The following RCAN2 variants were observed in gnomAD, a reference collection of about 807,000 sequenced individuals.
RCAN2 encodes calcipressin-2.
In RCAN2, 9 loss-of-function variants were observed where a neutral mutation model predicts 23.6. The ratio of observed to expected loss-of-function variants is 0.38; its 90% CI spans 0.23 to 0.67. The LOEUF (loss-of-function observed/expected upper bound fraction) is 0.67. Ranked by LOEUF, RCAN2 falls within the 30% of genes least tolerant of loss-of-function variation. The probability of loss-of-function intolerance (pLI) is 0.51; values close to 1 mark genes in which losing one functional copy is unlikely to be tolerated. For missense variants in RCAN2, 273 were observed against 302.3 expected (o/e 0.90, Z 0.72); for synonymous variants, 109 against 115.7 (o/e 0.94, Z 0.37).
intron 2 of RCAN2, among the ~76,000 whole-genome samples, chr6:46,402,471 T>C (rs1359696791): frequency 6.6e-6 from 1 of 152,140 alleles, no homozygotes; most frequent in African/African-American, 2.4e-5. Flanking sequence ...CCAGAACCCT[T>C]TTCCCCAAAG....
intron 2 of RCAN2, among the ~76,000 whole-genome samples, chr6:46,315,246 T>C (rs1010666982): frequency 9.2e-5 from 14 of 152,200 alleles, no homozygotes; most frequent in Non-Finnish European, 1.5e-5. Flanking sequence ...TATGCATCTC[T>C]AGGGATGCAG....
chr6:46,393,555 T>A (rs1165486864), intron 2 of RCAN2, among the ~76,000 whole-genome samples: 1 of 152,206 alleles, frequency 6.6e-6, no homozygotes, highest in African/African-American at 2.4e-5. Context: ...TACTCTATTT[T>A]CCAACAGCAG....
rs1765461477 is a variant in RCAN2 at position 46,221,103 on chromosome 6, TTG to T, written c.*2036_*2037del. 1 of 152,498 alleles carries T rather than the reference TTG, an allele frequency of 6.6e-6. No individual in the cohort carries two copies. The highest frequency in any genetic ancestry group is 2.1e-4 in the South Asian group (1 of 4,832). 9.4% of individuals were successfully genotyped at this position (152,498 alleles called of 1,614,324 possible). On this transcript the variant is annotated 3_prime_UTR_variant, in exon 5 of 5. Coordinates refer to ENST00000371374, the MANE Select transcript of RCAN2 (RefSeq NM_001251974.2). ...CTAACTCCAGAGGCCATACACTTCA[TTG>T]TGTTTCTTTTATGACTACACAGAAT...
chr6:46,462,177 G>A (rs1280227348), intron 1 of RCAN2, among the ~76,000 whole-genome samples: 1 of 152,158 alleles, frequency 6.6e-6, no homozygotes, highest in African/African-American at 2.4e-5. Context: ...ACAAGCAGCA[G>A]TGCAGCTTGA....
intron 2 of RCAN2, among the ~76,000 whole-genome samples, chr6:46,361,880 A>T (rs1765025649): frequency 6.6e-6 from 1 of 152,238 alleles, no homozygotes; most frequent in South Asian, 2.1e-4. Flanking sequence ...TTAGCTGGAT[A>T]AAATCCTGAG....
intron 2 of RCAN2, among the ~76,000 whole-genome samples, chr6:46,432,715 C>G (rs1767251050): frequency 6.6e-6 from 1 of 151,996 alleles, no homozygotes. Context: ...ATTAGCAACT[C>G]AAAAATCCCT....
chr6:46,305,420 T>C (rs532189303), intron 2 of RCAN2, among the ~76,000 whole-genome samples: 2 of 152,146 alleles, frequency 1.3e-5, no homozygotes, highest in South Asian at 2.1e-4. Context: ...CCTTCTTTGC[T>C]TCCCTTCACT....
At chr6:46,362,137 A>G (rs1765033481) in intron 2 of RCAN2, among the ~76,000 whole-genome samples, 1 of 152,204 alleles carries the variant, frequency 6.6e-6, no homozygotes, top group African/African-American at 2.4e-5. Context: ...CATGATTGGG[A>G]AGACCCAACT....
intron 1 of RCAN2, among the ~76,000 whole-genome samples, chr6:46,485,613 T>G (rs1219882071): frequency 6.6e-6 from 1 of 152,224 alleles, no homozygotes; most frequent in Non-Finnish European, 1.5e-5. Context: ...CTAGCCTTCA[T>G]GAGCAGACTC....
chr6:46,402,831 G>A (rs901177614), intron 2 of RCAN2, among the ~76,000 whole-genome samples: 1 of 152,172 alleles, frequency 6.6e-6, no homozygotes, highest in African/African-American at 2.4e-5. Flanking sequence ...AGGCTCCTGT[G>A]TATACACGTT....
chr6:46,380,793 T>C (rs769592890), intron 2 of RCAN2, among the ~76,000 whole-genome samples: 4 of 152,214 alleles, frequency 2.6e-5, no homozygotes, highest in Non-Finnish European at 5.9e-5. Context: ...AGGATAATTA[T>C]GTAGATGTAA....
chr6:46,375,227 G>C (rs1324606193), intron 2 of RCAN2, among the ~76,000 whole-genome samples: 1 of 152,192 alleles, frequency 6.6e-6, no homozygotes, highest in Non-Finnish European at 1.5e-5. Flanking sequence ...TTACAGGTGT[G>C]AACCACCATG....
At chr6:46,368,376 C>T (rs535132365) in intron 2 of RCAN2, among the ~76,000 whole-genome samples, 14 of 152,298 alleles carry the variant, frequency 9.2e-5, no homozygotes, top group African/African-American at 2.9e-4. Flanking sequence ...AAGCTCCATA[C>T]GATAGCTCTG....
At chr6:46,235,463 C>A (rs1766057897) in intron 4 of RCAN2, among the ~76,000 whole-genome samples, 1 of 152,192 alleles carries the variant, frequency 6.6e-6, no homozygotes, top group Non-Finnish European at 1.5e-5. Context: ...CCAGTTCCTG[C>A]CCTATGAGGA....
chr6:46,465,096 G>A (rs1483999440), intron 1 of RCAN2, among the ~76,000 whole-genome samples: 1 of 152,048 alleles, frequency 6.6e-6, no homozygotes, highest in African/African-American at 2.4e-5. Flanking sequence ...AAGCAAATAG[G>A]GCATTTGTAT....
chr6:46,314,903 A>G (rs1362202664), intron 2 of RCAN2, among the ~76,000 whole-genome samples: 1 of 152,206 alleles, frequency 6.6e-6, no homozygotes, highest in Non-Finnish European at 1.5e-5. Flanking sequence ...GCTACAAAAA[A>G]TACAAAAGTT....
chr6:46,311,273 G>T (rs1649385161), intron 2 of RCAN2, among the ~76,000 whole-genome samples: 1 of 152,180 alleles, frequency 6.6e-6, no homozygotes, highest in Admixed American at 6.5e-5. Context: ...TACAGCCCAT[G>T]GCTGTATCAT....
intron 2 of RCAN2, among the ~76,000 whole-genome samples, chr6:46,270,702 C>G (rs747305330): frequency 6.6e-6 from 1 of 152,154 alleles, no homozygotes; most frequent in Non-Finnish European, 1.5e-5. Flanking sequence ...TGTGACTCCT[C>G]GTTTTATTCT....
chr6:46,350,414 G>A (rs1465222640), intron 2 of RCAN2, among the ~76,000 whole-genome samples: 4 of 152,210 alleles, frequency 2.6e-5, no homozygotes, highest in Non-Finnish European at 5.9e-5. Context: ...TTAGATGGGG[G>A]CAGTGTTGCT....
Sources: allele counts gnomAD v4.1 joint callset (sites outside exome capture counted in the v4.1 genomes callset), GRCh38; gene constraint gnomAD v4.1.1; transcripts MANE v1.5; gene names NCBI Gene and HGNC (gene_info 2026-07-23, HGNC 2026-07-21).